AFF3: variants seen among roughly 807,000 people sequenced by gnomAD.
AFF3 encodes AF4/FMR2 family member 3.
A neutral mutation model predicts 129.7 loss-of-function variants in AFF3; 32 were observed. That is an observed-to-expected ratio of 0.25 (90% CI 0.19 to 0.33). The LOEUF (loss-of-function observed/expected upper bound fraction) is 0.33. AFF3 is among the 10% of genes least tolerant of loss of function. The pLI, the probability that AFF3 is intolerant of heterozygous loss-of-function variation, is 1.00. For synonymous variants in AFF3, 644 were observed against 635.4 expected, an observed-to-expected ratio of 1.01 and a Z score of -0.20; for missense variants, 1,373 against 1,592.0, an observed-to-expected ratio of 0.86 and a Z score of 2.34.
intron 2 of AFF3, among the ~76,000 whole-genome samples, chr2:100,127,024 G>T (rs190706647): frequency 6.6e-6 from 1 of 152,222 alleles, no homozygotes; most frequent in African/African-American, 2.4e-5. Flanking sequence ...AATATTATTG[G>T]CAGTTGCGGG....
intron 8 of AFF3, among the ~76,000 whole-genome samples, chr2:99,762,684 C>T (rs1682715413): frequency 6.6e-6 from 1 of 152,204 alleles, no homozygotes; most frequent in African/African-American, 2.4e-5. Flanking sequence ...TTTCACCAAG[C>T]GTATGTGACT....
At chr2:99,957,725 T>G (rs1040520719) in intron 7 of AFF3, among the ~76,000 whole-genome samples, 1 of 152,168 alleles carries the variant, frequency 6.6e-6, no homozygotes, top group Non-Finnish European at 1.5e-5. Flanking sequence ...GTCTGCACAT[T>G]AAGTCTTTTT....
At chr2:99,690,461 G>A (rs932555286) in intron 11 of AFF3, among the ~76,000 whole-genome samples, 6 of 151,890 alleles carry the variant, frequency 4.0e-5, no homozygotes, top group Non-Finnish European at 7.4e-5. Flanking sequence ...GATTACAGGC[G>A]TGAGCCACCA....
chr2:100,026,443 G>T (rs948797639), intron 4 of AFF3, among the ~76,000 whole-genome samples: 2 of 152,114 alleles, frequency 1.3e-5, no homozygotes, highest in African/African-American at 4.8e-5. Context: ...CTTCCACACT[G>T]CTGGTAGGAA....
At chr2:99,868,334 T>G (rs978216113) in intron 7 of AFF3, among the ~76,000 whole-genome samples, 2 of 152,176 alleles carry the variant, frequency 1.3e-5, no homozygotes, top group Admixed American at 6.5e-5. Flanking sequence ...CATGTCTTCA[T>G]AGTTCACAGA....
chr2:99,857,399 T>G (rs1341134404), intron 7 of AFF3, among the ~76,000 whole-genome samples: 3 of 152,252 alleles, frequency 2.0e-5, no homozygotes, highest in Non-Finnish European at 4.4e-5. Context: ...TGATTCTGTA[T>G]GATTTAGTTT....
In AFF3 at chr2:99,689,154, ATAAC is replaced by A. The variant is rs1445986985; in HGVS notation, c.1092-16569_1092-16566del. Among the ~76,000 whole-genome samples the A allele has an allele frequency of 2.6e-5, 4 of 152,204 alleles. No individual in the cohort carries two copies. The East Asian group carries it at 7.7e-4, about 29-fold the overall frequency. Reference sequence around the variant, plus strand: ...GGTTTACATTTCATTTCTCACTGGCATAACTAACTCCTCTCTTCAGTCCCTTCTC... The same window carrying A: ...GGTTTACATTTCATTTCTCACTGGCATAACTCCTCTCTTCAGTCCCTTCTC... On this transcript the variant is annotated intron_variant, in intron 11 of 24. Coordinates refer to ENST00000672756, the MANE Select transcript of AFF3 (RefSeq NM_001386135.1).
intron 7 of AFF3, among the ~76,000 whole-genome samples, chr2:99,877,891 G>T (rs1372522505): frequency 2.6e-5 from 4 of 152,124 alleles, no homozygotes; most frequent in African/African-American, 7.2e-5. Flanking sequence ...TATTCTAGGT[G>T]CTGGAGAGAG....
intron 20 of AFF3, among the ~76,000 whole-genome samples, chr2:99,564,559 C>G (rs1575365725): frequency 6.6e-6 from 1 of 152,162 alleles, no homozygotes; most frequent in East Asian, 1.9e-4. Flanking sequence ...GTGATGTGTT[C>G]TCTGATGTCG....
At chr2:99,845,081 C>T (rs1323862136) in intron 7 of AFF3, among the ~76,000 whole-genome samples, 1 of 152,214 alleles carries the variant, frequency 6.6e-6, no homozygotes, top group Non-Finnish European at 1.5e-5. Flanking sequence ...CAGCAAACCA[C>T]CAATGTTCTA....
intron 7 of AFF3, among the ~76,000 whole-genome samples, chr2:99,911,008 A>T (rs1191941819): frequency 6.6e-6 from 1 of 152,244 alleles, no homozygotes; most frequent in Non-Finnish European, 1.5e-5. Flanking sequence ...TCTTAAAAGA[A>T]AGCTTTTACA....
intron 7 of AFF3, among the ~76,000 whole-genome samples, chr2:99,924,848 T>C (rs1696108747): frequency 6.6e-6 from 1 of 152,064 alleles, no homozygotes; most frequent in Admixed American, 6.6e-5. Context: ...AATTTTCCTG[T>C]GTCCATACAC....
At chr2:99,678,325 C>T (rs1312176515) in intron 11 of AFF3, among the ~76,000 whole-genome samples, 2 of 152,196 alleles carry the variant, frequency 1.3e-5, no homozygotes, top group Non-Finnish European at 2.9e-5. Context: ...GTAGCTGGCG[C>T]CTGCATTTTT....
intron 7 of AFF3, among the ~76,000 whole-genome samples, chr2:99,845,182 C>T (rs1689633885): frequency 6.6e-6 from 1 of 152,282 alleles, no homozygotes; most frequent in South Asian, 2.1e-4. Context: ...TTTGACTTCC[C>T]TAATTCCCAC....
intron 7 of AFF3, among the ~76,000 whole-genome samples, chr2:100,000,316 A>G (rs1681262279): frequency 1.3e-5 from 2 of 152,210 alleles, no homozygotes; most frequent in African/African-American, 4.8e-5. Flanking sequence ...GAAAAAACAA[A>G]TACGCAGAAA....
intron 7 of AFF3, among the ~76,000 whole-genome samples, chr2:99,874,134 G>A (rs1210922816): frequency 5.9e-5 from 9 of 152,106 alleles, no homozygotes; most frequent in South Asian, 2.1e-4. Context: ...TCGAGATCGC[G>A]CCACTGCACT....
chr2:99,556,572 C>A lies in AFF3; in HGVS notation c.3286-1840G>T, dbSNP rs143456281. On this transcript the variant is annotated intron_variant, in intron 22 of 24. Transcript: ENST00000672756. ...CTCTGTACTGATAAAACACATATAG[C>A]CAAATTGTCTTGGGTACCTAAAGAT... Among the ~76,000 whole-genome samples the A allele has an allele frequency of 8.0e-3, 1,224 of 152,206 alleles. 23 individuals carry two copies. Among genetic ancestry groups the A allele is most frequent in the African/African-American group, 0.028 (1,153 of 41,540 alleles).
chr2:99,778,939 T>A (rs1037227031), intron 8 of AFF3, among the ~76,000 whole-genome samples: 1 of 147,206 alleles, frequency 6.8e-6, no homozygotes, highest in Non-Finnish European at 1.5e-5. Context: ...TGTGGCGGGG[T>A]TGGCTCTTTA....
intron 7 of AFF3, among the ~76,000 whole-genome samples, chr2:100,005,363 C>G (rs1034651032): frequency 7.2e-5 from 11 of 152,082 alleles, no homozygotes; most frequent in Non-Finnish European, 1.3e-4. Context: ...AACAAGAAGT[C>G]AATTGAGATT....
Sources: gnomAD v4.1 joint callset for allele counts (sites outside exome capture counted in the v4.1 genomes callset) on GRCh38, gnomAD v4.1.1 for gene constraint, MANE v1.5 for transcripts, NCBI Gene and HGNC (gene_info 2026-07-23, HGNC 2026-07-21) for gene names.